STAM: variants seen among roughly 807,000 people sequenced by gnomAD.
STAM encodes signal transducing adapter molecule 1.
A neutral mutation model predicts 63.4 loss-of-function variants in STAM; 16 were observed. The ratio of observed to expected loss-of-function variants is 0.25; its 90% CI spans 0.17 to 0.38. STAM has a LOEUF of 0.38. Among genes scored for constraint, STAM ranks in the 10% least tolerant of loss-of-function variants. The probability of loss-of-function intolerance (pLI) is 1.00; values close to 1 mark genes in which losing one functional copy is unlikely to be tolerated. For missense variants in STAM, 636 were observed against 657.1 expected, an observed-to-expected ratio of 0.97 and a Z score of 0.35; for synonymous variants, 238 against 223.9, an observed-to-expected ratio of 1.06 and a Z score of -0.56.
intron 4 of STAM, among the ~76,000 whole-genome samples, chr10:17,687,412 C>G (rs1554826213): frequency 1.3e-5 from 2 of 152,078 alleles, no homozygotes; most frequent in East Asian, 3.9e-4. Flanking sequence ...CCACCCCCCT[C>G]TGGGAGGCGG....
chr10:17,656,311 A>G (rs964014547), intron 1 of STAM, among the ~76,000 whole-genome samples: 99 of 151,904 alleles, frequency 6.5e-4, no homozygotes, highest in Admixed American at 1.0e-3. Flanking sequence ...AAAAAAAAAA[A>G]AAAGATAGTT....
intron 5 of STAM, among the ~76,000 whole-genome samples, chr10:17,691,442 C>T (rs927889564): frequency 1.5e-4 from 23 of 152,078 alleles, no homozygotes; most frequent in African/African-American, 4.6e-4. Flanking sequence ...GGTGTGAACC[C>T]GGGAGGCGGA....
chr10:17,692,811 C>G (rs1564558878), intron 5 of STAM, among the ~76,000 whole-genome samples: 2 of 152,078 alleles, frequency 1.3e-5, no homozygotes, highest in African/African-American at 4.8e-5. Context: ...AATGATAACT[C>G]TAACTATTAA....
chr10:17,688,942 A>G (rs1278494727), intron 5 of STAM, among the ~76,000 whole-genome samples: 1 of 152,206 alleles, frequency 6.6e-6, no homozygotes, highest in Non-Finnish European at 1.5e-5. Context: ...TTCCTCTATT[A>G]ACAATGAGAG....
chr10:17,653,305 G>A (rs1833811940), intron 1 of STAM, among the ~76,000 whole-genome samples: 1 of 152,178 alleles, frequency 6.6e-6, no homozygotes, highest in African/African-American at 2.4e-5. Flanking sequence ...CTGGAAACAA[G>A]CTATTTGTGA....
At chr10:17,695,322 T>A (rs1835712097) in intron 7 of STAM, 81 bp downstream of exon 7, 1 of 1,301,338 alleles carries the variant, frequency 7.7e-7, no homozygotes, top group Non-Finnish European at 1.1e-6. Context: ...TGATTGCAGT[T>A]ACCAAATACA....
In STAM at chr10:17,704,157, A is replaced by T. The variant is rs576040060; in HGVS notation, c.913-274A>T. Among the ~76,000 whole-genome samples the T allele has an allele frequency of 1.4e-4, 21 of 152,248 alleles. 1 individual carries two copies. Among genetic ancestry groups the T allele is most frequent in the South Asian group, 6.2e-4 (3 of 4,814 alleles). On this transcript the variant is annotated intron_variant, in intron 9 of 13. Transcript: ENST00000377524. ...GTCCAGACTGAAGTGCAGTGGCGAGATCATAGCTCACTGCAGCCTTGACCT... is the reference window on the plus strand; with the variant it reads ...GTCCAGACTGAAGTGCAGTGGCGAGTTCATAGCTCACTGCAGCCTTGACCT...
chr10:17,681,086 C>A (rs1554825311), intron 2 of STAM, among the ~76,000 whole-genome samples: 2 of 152,082 alleles, frequency 1.3e-5, no homozygotes, highest in Non-Finnish European at 2.9e-5. Context: ...ACATTCCCAC[C>A]AACAGTGCAC....
At chr10:17,666,449 C>T (rs1175658463) in intron 2 of STAM, among the ~76,000 whole-genome samples, 1 of 129,414 alleles carries the variant, frequency 7.7e-6, no homozygotes, top group Non-Finnish European at 1.5e-5. Context: ...GGCTGGAGTG[C>T]AGTGGCACGA....
chr10:17,677,978 A>G (rs781917169), intron 2 of STAM, among the ~76,000 whole-genome samples: 2 of 152,194 alleles, frequency 1.3e-5, no homozygotes, highest in Non-Finnish European at 2.9e-5. Flanking sequence ...TTATAAATAC[A>G]TATATATTTC....
intron 2 of STAM, among the ~76,000 whole-genome samples, chr10:17,670,075 T>C (rs1331975867): frequency 6.6e-6 from 1 of 151,954 alleles, no homozygotes; most frequent in Non-Finnish European, 1.5e-5. Flanking sequence ...AGCATCTGTG[T>C]ATCTGGAAGA....
intron 2 of STAM, among the ~76,000 whole-genome samples, chr10:17,674,000 G>A (rs782554798): frequency 5.3e-5 from 8 of 150,184 alleles, no homozygotes; most frequent in Non-Finnish European, 1.0e-4. Flanking sequence ...GAACAGCAGG[G>A]CGGGAGAGTC....
chr10:17,647,544 T>G (rs1554821018), intron 1 of STAM, among the ~76,000 whole-genome samples: 1 of 152,066 alleles, frequency 6.6e-6, no homozygotes, highest in African/African-American at 2.4e-5. Context: ...CAATTTAGCT[T>G]AGTGTTAAGA....
At position 17,693,264 on chromosome 10, in the gene STAM, G is replaced by C; in HGVS notation, c.487G>C (p.Asp163His). 1 of 1,613,542 alleles carries C rather than the reference G, an allele frequency of 6.2e-7. No individual in the cohort carries two copies. Among genetic ancestry groups the C allele is most frequent in the Non-Finnish European group, 8.5e-7 (1 of 1,179,840 alleles). The stretch of plus-strand genomic sequence containing the variant: ...AGCAAGCCCAGCTCTTGTAGCCAAG[G>C]ATCCTGGTACTGTGGCTAACAAAAA... ...AKASPALVAK[D>H]PGTVANKKEE... is the part of the protein sequence containing the mutation. Residue 163 changes from aspartate to histidine, a missense_variant, in exon 6 of 14, where the codon GAT (aspartate) becomes CAT (histidine). Coordinates refer to ENST00000377524, the MANE Select transcript of STAM (RefSeq NM_003473.4).
chr10:17,695,352 A>G (rs1835713239), intron 7 of STAM, 111 bp downstream of exon 7: 3 of 1,018,396 alleles, frequency 2.9e-6, no homozygotes, highest in Admixed American at 2.6e-5. Flanking sequence ...ATTGACCCAG[A>G]TGCTGCTCTG....
Position 17,705,600 on chromosome 10 carries a change from A to G in STAM, c.1068A>G (p.Glu356=), listed in dbSNP as rs1836224870. The G allele has an allele frequency of 6.2e-7, 1 of 1,610,444 alleles. No homozygotes were observed. Among genetic ancestry groups the G allele is most frequent in the Non-Finnish European group, 8.5e-7 (1 of 1,179,110 alleles). ...KLEDIDRKHS[E]LSELNVKVME... ...TGTCATGTTTCAGAAAACATTCAGA[A>G]CTCTCAGAACTTAATGTGAAAGTGA... Residue 356 remains glutamate, a synonymous_variant, in exon 12 of 14, where the codon GAA becomes GAG. Transcript: ENST00000377524.
At position 17,678,492 on chromosome 10, in the gene STAM, GA is replaced by G. The variant is rs1374983105; in HGVS notation, c.126-6182del. Among the ~76,000 whole-genome samples the G allele has an allele frequency of 2.6e-5, 4 of 152,168 alleles. No individual in the cohort carries two copies. In the East Asian group the frequency reaches 7.7e-4, roughly 29 times the overall value. On this transcript the variant is annotated intron_variant, in intron 2 of 13. Coordinates refer to ENST00000377524, the MANE Select transcript of STAM (RefSeq NM_003473.4). ...TGGTCTCGAACTCCTGATCTCAGGT[GA>G]TCCGCCTGCCTCGGCCTCCCAAAGT...
In STAM at chr10:17,669,801, C is replaced by T. The variant is rs186392547; in HGVS notation, c.125+9253C>T. Among the ~76,000 whole-genome samples the T allele has an allele frequency of 1.2e-3, 175 of 151,326 alleles. 1 individual carries two copies. The highest frequency in any genetic ancestry group is 1.8e-3 in the African/African-American group (73 of 41,330). ...CAAATGCCGCCTCCCAGGTTCACAC[C>T]GTTCTCCTGCCTCAGCCTCCCCAGT... On this transcript the variant is annotated intron_variant, in intron 2 of 13. Coordinates refer to ENST00000377524, the MANE Select transcript of STAM (RefSeq NM_003473.4).
chr10:17,705,928 C>G lies in STAM; in HGVS notation c.1209+187C>G, dbSNP rs1375953920. 5.3e-5 allele frequency among the ~76,000 whole-genome samples: 8 copies of G among 151,606 alleles called. No homozygotes were observed. The South Asian group carries it at 8.4e-4, about 16-fold the overall frequency. On this transcript the variant is annotated intron_variant, in intron 12 of 13. Coordinates refer to ENST00000377524, the MANE Select transcript of STAM (RefSeq NM_003473.4). ...ACCAAAAAAAAAAAAAAAAATTAGC[C>G]AGGCTGGGGCATGTTCCTTGGTCCC... is the stretch of plus-strand genomic sequence containing the variant.
Sources: allele counts gnomAD v4.1 joint callset (sites outside exome capture counted in the v4.1 genomes callset), GRCh38; gene constraint gnomAD v4.1.1; transcripts MANE v1.5; gene names NCBI Gene and HGNC (gene_info 2026-07-23, HGNC 2026-07-21).